RYR3: variants seen among roughly 807,000 people sequenced by gnomAD.
The protein encoded by RYR3 is ryanodine receptor 3, also known as brain ryanodine receptor-calcium release channel.
RYR3 carries 207 observed loss-of-function variants against 584.3 expected under a neutral mutation model. The observed-to-expected ratio is 0.35, with a 90% CI of 0.32 to 0.40. The LOEUF (loss-of-function observed/expected upper bound fraction) is 0.40, where lower values mean the gene tolerates loss of function less well. Ranked by LOEUF, RYR3 falls within the 10% of genes least tolerant of loss-of-function variation. The pLI is 1.00. For synonymous variants in RYR3, 2,416 were observed against 2,248.5 expected, an observed-to-expected ratio of 1.07 and a Z score of -2.11; for missense variants, 5,616 against 6,089.2, an observed-to-expected ratio of 0.92 and a Z score of 2.59.
chr15:33,336,098 ATACTTT>A (rs1037412838), intron 1 of RYR3, among the ~76,000 whole-genome samples: 2 of 152,106 alleles, frequency 1.3e-5, no homozygotes, highest in South Asian at 4.2e-4. Context: ...AAAGTTTCTA[ATACTTT>A]TACTTAAGAG....
At chr15:33,806,386 G>T (rs2076209980) in intron 69 of RYR3, among the ~76,000 whole-genome samples, 1 of 152,036 alleles carries the variant, frequency 6.6e-6, no homozygotes, top group Admixed American at 6.6e-5. Context: ...ATGGGCCAGT[G>T]TCGTGCCTGT....
chr15:33,485,744 C>A (rs1326518796), intron 2 of RYR3, among the ~76,000 whole-genome samples: 1 of 152,158 alleles, frequency 6.6e-6, no homozygotes, highest in Admixed American at 6.5e-5. Flanking sequence ...TAGATTGTGT[C>A]ACTCTCTGCA....
intron 12 of RYR3, among the ~76,000 whole-genome samples, chr15:33,568,002 T>C (rs562767184): frequency 2.6e-5 from 4 of 152,320 alleles, no homozygotes; most frequent in South Asian, 2.1e-4. Flanking sequence ...CAGTATTTTA[T>C]TGAAGCTCCC....
intron 38 of RYR3, among the ~76,000 whole-genome samples, chr15:33,691,638 C>T (rs1453461800): frequency 6.6e-6 from 1 of 152,108 alleles, no homozygotes; most frequent in Non-Finnish European, 1.5e-5. Context: ...AAGTACTTTT[C>T]CTCCAGAAAA....
rs569467532 is a variant in RYR3, at chr15:33,478,516, C to T, written c.171+4978C>T. Reference sequence around the variant, plus strand: ...ACGTATTGATAGTCTTCCCAGTCCACATGCAGGCTATCAATCAGGGATCAT... The same window carrying T: ...ACGTATTGATAGTCTTCCCAGTCCATATGCAGGCTATCAATCAGGGATCAT... On this transcript the variant is annotated intron_variant, in intron 2 of 103. Transcript: ENST00000634891. 4.6e-5 allele frequency among the ~76,000 whole-genome samples: 7 copies of T among 152,340 alleles called. No homozygotes were observed. In the South Asian group the frequency reaches 1.0e-3, roughly 23 times the overall value.
chr15:33,584,295 T>G, intron 14 of RYR3, 100 bp from the exon 15 acceptor site: 1 of 631,616 alleles, frequency 1.6e-6, no homozygotes, highest in Non-Finnish European at 2.8e-6. Context: ...TTCAGTTCCT[T>G]TTAGTTGCTA....
In RYR3 at chr15:33,826,282, T is replaced by C. The variant is rs1267683035; in HGVS notation, c.11164+13T>C. ...GTTCGGGAACGTGGTAAGTTTCAGT[T>C]TCTGGCCTGAGTTCCTACCGTGTGT... On this transcript the variant is annotated intron_variant, in intron 83 of 103. Transcript: ENST00000634891. 1.2e-6 allele frequency: 2 copies of C among 1,613,570 alleles called. No individual in the cohort carries two copies. Among genetic ancestry groups the C allele is most frequent in the Non-Finnish European group, 1.7e-6 (2 of 1,179,506 alleles).
chr15:33,419,915 C>T (rs149014440), intron 1 of RYR3, among the ~76,000 whole-genome samples: 3 of 152,280 alleles, frequency 2.0e-5, no homozygotes, highest in East Asian at 1.9e-4. Flanking sequence ...GCATAAGCAG[C>T]GTATGCTTCA....
chr15:33,425,143 C>A (rs536506656), intron 1 of RYR3, among the ~76,000 whole-genome samples: 153 of 151,716 alleles, frequency 1.0e-3, no homozygotes, highest in African/African-American at 3.6e-3. Flanking sequence ...TGATCTCCAC[C>A]GCGTTTTACT....
intron 67 of RYR3, among the ~76,000 whole-genome samples, chr15:33,792,821 C>G (rs8040323): frequency 0.023 from 3,462 of 152,194 alleles, 137 homozygotes; most frequent in African/African-American, 0.079. Context: ...TTGCATTTTT[C>G]CCTGTAACCA....
intron 2 of RYR3, among the ~76,000 whole-genome samples, chr15:33,478,628 GA>G (rs1263964370): frequency 6.6e-6 from 1 of 152,150 alleles, no homozygotes; most frequent in Non-Finnish European, 1.5e-5. Context: ...AGAGTTAACT[GA>G]AGGTCAAATT....
Position 33,837,696 on chromosome 15 carries a change from G to A in RYR3, c.11716G>A (p.Val3906Ile). 2 of 1,608,618 alleles carry A rather than the reference G, an allele frequency of 1.2e-6. No homozygotes were observed. The highest frequency in any genetic ancestry group is 1.7e-6 in the Non-Finnish European group (2 of 1,177,098). ...CACACTGGTAGAATCATCTACCAAT[G>A]TAGAAATGATCTTGAAATTCTTTGA... Reference protein sequence around the residue: ...VDTLVESSTNVEMILKFFDMF... With the variant: ...VDTLVESSTNIEMILKFFDMF... Residue 3906 changes from valine to isoleucine, a missense_variant, in exon 89 of 104, where the codon GTA becomes ATA. By Grantham distance (29) the Val-to-Ile change is conservative. This residue lies in a region of RYR3 where 258 missense variants were observed against 297.3 expected (regional missense o/e 0.87). Coordinates refer to ENST00000634891, the MANE Select transcript of RYR3 (RefSeq NM_001036.6).
chr15:33,643,271 C>T (rs1286813503), intron 27 of RYR3, among the ~76,000 whole-genome samples: 1 of 152,190 alleles, frequency 6.6e-6, no homozygotes, highest in East Asian at 1.9e-4. Context: ...TCTCTGCAGC[C>T]TCCAGCGGTC....
intron 1 of RYR3, among the ~76,000 whole-genome samples, chr15:33,314,681 G>T (rs1367566028): frequency 6.6e-6 from 1 of 152,150 alleles, no homozygotes; most frequent in Admixed American, 6.5e-5. Context: ...TTGGGAGGCC[G>T]AGGCGGGTGG....
intron 60 of RYR3, among the ~76,000 whole-genome samples, chr15:33,759,362 AT>A (rs1404455041): frequency 6.6e-6 from 1 of 152,232 alleles, no homozygotes; most frequent in Non-Finnish European, 1.5e-5. Flanking sequence ...CTAAAGGAGC[AT>A]GTTCTCGCCC....
chr15:33,617,884 T>G (rs561015141), intron 19 of RYR3, among the ~76,000 whole-genome samples: 1 of 152,338 alleles, frequency 6.6e-6, no homozygotes, highest in East Asian at 1.9e-4. Context: ...GCCTCTTTTC[T>G]CTTAATGAAT....
intron 3 of RYR3, among the ~76,000 whole-genome samples, chr15:33,510,057 A>T (rs2052838730): frequency 6.6e-6 from 1 of 152,226 alleles, no homozygotes; most frequent in African/African-American, 2.4e-5. Context: ...TCGCAAAATA[A>T]CAAATCAACT....
chr15:33,550,277 A>G lies in RYR3; in HGVS notation c.933A>G (p.Ser311=), dbSNP rs1381962827. ...TTATACTGCAAGACCGGGCAAAGTCAGACACCAAGTCCACAGCTTTCTCTT... is the reference window on the plus strand; with the variant it reads ...TTATACTGCAAGACCGGGCAAAGTCGGACACCAAGTCCACAGCTTTCTCTT... ...QGLILQDRAK[S]DTKSTAFSFR... Residue 311 remains serine, a synonymous_variant, in exon 10 of 104, where the codon TCA becomes TCG. Coordinates refer to ENST00000634891, the MANE Select transcript of RYR3 (RefSeq NM_001036.6). 2.5e-6 allele frequency: 4 copies of G among 1,613,454 alleles called. No individual in the cohort carries two copies. The Admixed American group carries it at 5.0e-5, about 20-fold the overall frequency.
intron 97 of RYR3, 102 bp from the exon 98 acceptor site, chr15:33,854,664 C>G: frequency 6.9e-7 from 1 of 1,442,080 alleles, no homozygotes; most frequent in Non-Finnish European, 9.4e-7. Context: ...GCACCTAAAC[C>G]CCCTCTATCC....
Sources: allele counts gnomAD v4.1 joint callset (sites outside exome capture counted in the v4.1 genomes callset), GRCh38; gene constraint gnomAD v4.1.1; regional missense constraint gnomAD v4.1.1; transcripts MANE v1.5; gene names NCBI Gene and HGNC (gene_info 2026-07-23, HGNC 2026-07-21).